C2orf74: variants seen among roughly 807,000 people sequenced by gnomAD.
The protein encoded by C2orf74 is DPM1 ER membrane anchor 1.
Under a neutral mutation model 17.9 loss-of-function variants are expected in C2orf74, and 14 were observed. The ratio of observed to expected loss-of-function variants is 0.78; its 90% CI spans 0.52 to 1.22. The LOEUF is 1.22. Among genes scored for constraint, C2orf74 ranks in the 50% most tolerant of loss-of-function variants. C2orf74 has a pLI of 0.00. For synonymous variants in C2orf74, 79 were observed against 72.6 expected (o/e 1.09, Z -0.44); for missense variants, 217 against 218.4 (o/e 0.99, Z 0.04).
intron 2 of C2orf74, 91 bp from the exon 3 acceptor site, chr2:61,162,751 T>C (rs1685600870): frequency 2.6e-6 from 3 of 1,148,634 alleles, no homozygotes; most frequent in African/African-American, 1.5e-5. Context: ...TTAGAAATGC[T>C]GATATCCTGT....
chr2:61,164,426 T>A lies in C2orf74; in HGVS notation c.463T>A (p.Leu155Ile), dbSNP rs1409493551. 73 of 1,550,884 alleles carry A rather than the reference T, an allele frequency of 4.7e-5. No homozygotes were observed. Among genetic ancestry groups the A allele is most frequent in the Non-Finnish European group, 6.4e-5 (73 of 1,146,782 alleles). ...PSVVESQKRP[L>I]KGVTFSREVI... The stretch of plus-strand genomic sequence containing the variant: ...AGTTGTTGAAAGCCAAAAAAGACCT[T>A]TAAAAGGAGTGACATTTTCTAGGGA... Residue 155 changes from leucine (L) to isoleucine (I), a missense_variant, in exon 5 of 5, where the codon TTA becomes ATA. Transcript: ENST00000432605.
At chr2:61,150,045 T>A (rs890187321) in intron 1 of C2orf74, among the ~76,000 whole-genome samples, 1 of 152,232 alleles carries the variant, frequency 6.6e-6, no homozygotes, top group Admixed American at 6.5e-5. Context: ...TGCATAATAC[T>A]GGGTCTGCAA....
chr2:61,153,616 C>T (rs531542160), intron 1 of C2orf74, among the ~76,000 whole-genome samples: 3 of 142,708 alleles, frequency 2.1e-5, no homozygotes, highest in African/African-American at 5.0e-5. Context: ...AAACTGGGCG[C>T]GGTGGCTCAC....
chr2:61,145,328 G>A (rs1685035966), intron 1 of C2orf74: 1 of 152,256 alleles, frequency 6.6e-6, no homozygotes, highest in African/African-American at 2.4e-5. Flanking sequence ...AGACAAATGG[G>A]CGAAGTACTG....
intron 1 of C2orf74, among the ~76,000 whole-genome samples, chr2:61,153,248 G>C (rs985147297): frequency 1.3e-5 from 2 of 151,862 alleles, no homozygotes; most frequent in African/African-American, 4.8e-5. Flanking sequence ...AAATGTTTCA[G>C]TAAATCAATA....
At chr2:61,158,068 A>C, upstream of C2orf74, 1 of 461,028 alleles carries the variant, frequency 2.2e-6, no homozygotes, top group Non-Finnish European at 4.5e-6. Context: ...ATCTGACCCC[A>C]ACATGGCAGA....
chr2:61,162,529 C>T lies in C2orf74; in HGVS notation c.15C>T (p.Thr5=). Residue 5 remains threonine, a synonymous_variant, in exon 2 of 5, where the codon ACC becomes ACT. Transcript: ENST00000432605. MSFE[T]TAITFFIILL... ...TAGCTAAACCTATGAGCTTTGAAAC[C>T]ACAGCAATCACTTTCTTCATCATCC... 1 of 1,551,624 alleles carries T rather than the reference C, an allele frequency of 6.4e-7. No individual in the cohort carries two copies.
In C2orf74 at chr2:61,164,397, C is replaced by G. The variant is rs1243445549; in HGVS notation, c.434C>G (p.Pro145Arg). The G allele has an allele frequency of 6.5e-7, 1 of 1,550,288 alleles. No homozygotes were observed. The highest frequency in any genetic ancestry group is 1.4e-5 in the African/African-American group (1 of 72,972). ...QKIHTSVTRT[P>R]SVVESQKRPL... ...ATACACACATCTGTCACTAGAACTCCTTCAGTTGTTGAAAGCCAAAAAAGA... is the reference window on the plus strand; with the variant it reads ...ATACACACATCTGTCACTAGAACTCGTTCAGTTGTTGAAAGCCAAAAAAGA... The change falls in exon 5 of 5, where the codon CCT (proline) becomes CGT (arginine). Residue 145 changes from proline (P) to arginine (R), a missense_variant. Coordinates refer to ENST00000432605, the MANE Select transcript of C2orf74 (RefSeq NM_001143959.4).
At chr2:61,153,724 A>C (rs1160816802) in intron 1 of C2orf74, among the ~76,000 whole-genome samples, 3 of 150,492 alleles carry the variant, frequency 2.0e-5, no homozygotes, top group African/African-American at 7.3e-5. Flanking sequence ...CCCCGTCTCC[A>C]CTAAAAATAT....
intron 1 of C2orf74, among the ~76,000 whole-genome samples, chr2:61,152,816 C>G (rs537871415): frequency 7.2e-6 from 1 of 138,632 alleles, no homozygotes; most frequent in East Asian, 2.1e-4. Flanking sequence ...CCATTGCACT[C>G]CAGCCTGGGC....
chr2:61,149,883 C>T (rs1416822995), intron 1 of C2orf74, among the ~76,000 whole-genome samples: 1 of 151,898 alleles, frequency 6.6e-6, no homozygotes, highest in Non-Finnish European at 1.5e-5. Flanking sequence ...GTAGATGATA[C>T]CGGGTTTCTT....
chr2:61,155,505 T>TTTTG (rs35729703), intron 1 of C2orf74, among the ~76,000 whole-genome samples: 17,382 of 150,580 alleles, frequency 0.12, 1,460 homozygotes, highest in East Asian at 0.32. Flanking sequence ...AATCAAGGCT[T>TTTTG]TTTGTTTGTT....
upstream of C2orf74, chr2:61,157,982 C>T (rs1347358123): frequency 4.2e-6 from 2 of 471,216 alleles, no homozygotes; most frequent in East Asian, 1.4e-4. Flanking sequence ...CACCCTCTGG[C>T]CACCATAGCA....
chr2:61,151,091 G>A (rs1014508789), intron 1 of C2orf74, among the ~76,000 whole-genome samples: 4 of 152,044 alleles, frequency 2.6e-5, no homozygotes, highest in African/African-American at 9.7e-5. Flanking sequence ...GCCGAGGCGG[G>A]AGGATCACAA....
At chr2:61,163,742 A>G (rs1470968343) in intron 4 of C2orf74, among the ~76,000 whole-genome samples, 2 of 152,128 alleles carry the variant, frequency 1.3e-5, no homozygotes, top group Non-Finnish European at 2.9e-5. Flanking sequence ...TTACTAAACC[A>G]TTACATATGC....
chr2:61,149,885 G>A (rs915842535), intron 1 of C2orf74, among the ~76,000 whole-genome samples: 23 of 152,076 alleles, frequency 1.5e-4, no homozygotes, highest in Non-Finnish European at 2.5e-4. Flanking sequence ...AGATGATACC[G>A]GGTTTCTTGA....
intron 1 of C2orf74, chr2:61,152,169 G>T (rs1211566938): frequency 6.6e-6 from 1 of 152,328 alleles, no homozygotes; most frequent in Non-Finnish European, 1.5e-5. Flanking sequence ...ATGCAGGACG[G>T]GGATCCTGCC....
intron 1 of C2orf74, among the ~76,000 whole-genome samples, chr2:61,146,679 C>A (rs1204546319): frequency 6.6e-6 from 1 of 152,010 alleles, no homozygotes; most frequent in Non-Finnish European, 1.5e-5. Context: ...ACTAAAAATA[C>A]AAAAATTAGA....
At position 61,164,492 on chromosome 2, in the gene C2orf74, C is replaced by T. The variant is rs562908846; in HGVS notation, c.529C>T (p.Arg177Ter). 73 of 1,545,080 alleles carry T rather than the reference C, an allele frequency of 4.7e-5. No homozygotes were observed. The highest frequency in any genetic ancestry group is 8.0e-5 in the Admixed American group (4 of 49,694). Residue 177 changes from arginine to a stop codon, truncating the protein, a stop_gained, in exon 5 of 5, where the codon CGA becomes TGA. Transcript: ENST00000432605. LOFTEE classifies it high-confidence loss of function. ...TCTTGGGAATGAATACCCTACACCT[C>T]GAAGCTATACTCGAGAACATAAAGA... The part of the protein sequence containing the change: ...VDLGNEYPTP[R>*]SYTREHKERK
Sources: allele counts gnomAD v4.1 joint callset (sites outside exome capture counted in the v4.1 genomes callset), GRCh38; gene constraint gnomAD v4.1.1; transcripts MANE v1.5; gene names NCBI Gene and HGNC (gene_info 2026-07-23, HGNC 2026-07-21).